The following AKNA variants were observed in gnomAD, a reference collection of about 807,000 sequenced individuals.
The protein encoded by AKNA is microtubule organization protein AKNA.
Under a neutral mutation model 138.8 loss-of-function variants are expected in AKNA, and 67 were observed. The observed-to-expected ratio is 0.48, with a 90% CI of 0.40 to 0.59. The LOEUF (loss-of-function observed/expected upper bound fraction) is 0.59. Among genes scored for constraint, AKNA ranks in the 20% least tolerant of loss-of-function variants. The probability of loss-of-function intolerance (pLI) is 0.00; values close to 1 mark genes in which losing one functional copy is unlikely to be tolerated. For synonymous variants in AKNA, 737 were observed against 754.4 expected (o/e 0.98, Z 0.38); for missense variants, 1,813 against 1,880.4 (o/e 0.96, Z 0.66).
intron 7 of AKNA, 53 bp from the exon 8 acceptor site, chr9:114,362,586 G>C (rs1014846680): frequency 3.6e-5 from 57 of 1,579,428 alleles, no homozygotes; most frequent in Non-Finnish European, 4.0e-5. Flanking sequence ...CGCGGGGCCT[G>C]TCCCTGAAGA....
chr9:114,356,196 C>A, intron 13 of AKNA, 60 bp from the exon 14 acceptor site: 2 of 1,517,826 alleles, frequency 1.3e-6, no homozygotes, highest in South Asian at 2.5e-5. Flanking sequence ...ACTCAGGCGG[C>A]AGCATCTGAG....
At chr9:114,392,650 C>T (rs371630611), upstream of AKNA, among the ~76,000 whole-genome samples, 8 of 152,218 alleles carry the variant, frequency 5.3e-5, no homozygotes, top group Admixed American at 2.0e-4. Context: ...TTCCGTGAAA[C>T]GCCCTACAAC....
intron 18 of AKNA, 72 bp from the exon 19 acceptor site, chr9:114,343,875 A>G: frequency 7.5e-7 from 1 of 1,324,902 alleles, no homozygotes; most frequent in Non-Finnish European, 1.1e-6. Flanking sequence ...ATTCTGGAAT[A>G]ATGATCTCCT....
At position 114,361,137 on chromosome 9, in the gene AKNA, G is replaced by A. The variant is rs190336953; in HGVS notation, c.2124+567C>T. On this transcript the variant is annotated intron_variant, in intron 9 of 21. Transcript: ENST00000374088. ...AAAATCCAGCAGAGTTTAAGGCCATGCTCTCTACGTGACCCACAAGCCCCT... is the reference window on the plus strand; with the variant it reads ...AAAATCCAGCAGAGTTTAAGGCCATACTCTCTACGTGACCCACAAGCCCCT... 3.2e-4 allele frequency among the ~76,000 whole-genome samples: 49 copies of A among 152,204 alleles called. 1 individual carries two copies. Among genetic ancestry groups the A allele is most frequent in the Admixed American group, 3.0e-3 (46 of 15,290 alleles).
chr9:114,335,560 C>T lies in AKNA; in HGVS notation c.*1494G>A, dbSNP rs1221638428. On this transcript the variant is annotated 3_prime_UTR_variant, in exon 22 of 22. Coordinates refer to ENST00000374088, the MANE Select transcript of AKNA (RefSeq NM_001317950.2). The stretch of plus-strand genomic sequence containing the variant: ...GCTGAGGTGGGTGGATCACCTGAGG[C>T]TGGGAGTGCAAGATCAGCCCGACCA... The T allele has an allele frequency of 6.6e-6, 1 of 152,136 alleles. No individual in the cohort carries two copies. The highest frequency in any genetic ancestry group is 1.5e-5 in the Non-Finnish European group (1 of 68,042). The allele number at this position is 152,136 out of a possible 1,614,324, so 9.4% of individuals were successfully genotyped here.
chr9:114,388,139 C>G (rs1346050464), upstream of AKNA: 1 of 257,152 alleles, frequency 3.9e-6, no homozygotes, highest in Non-Finnish European at 8.3e-6. Flanking sequence ...AGAGCAAGAG[C>G]TGGAGGAGCT....
At chr9:114,330,780 G>C, downstream of AKNA, 2 of 1,613,404 alleles carry the variant, frequency 1.2e-6, no homozygotes, top group South Asian at 1.1e-5. Context: ...TCCGCCTTCT[G>C]GTTGACTTTA....
intron 5 of AKNA, 87 bp downstream of exon 5, chr9:114,368,352 C>A: frequency 2.3e-6 from 3 of 1,289,738 alleles, no homozygotes. Flanking sequence ...GAGGCCAGCG[C>A]CATCCCCAGG....
rs757706175 is a variant in AKNA, at chr9:114,346,716, C to G, written c.3467G>C (p.Arg1156Pro). 1.2e-6 allele frequency: 2 copies of G among 1,612,978 alleles called. No individual in the cohort carries two copies. The highest frequency in any genetic ancestry group is 1.7e-6 in the Non-Finnish European group (2 of 1,179,508). The change falls in exon 17 of 22, where the codon CGA becomes CCA. Residue 1156 changes from arginine (R) to proline (P), a missense_variant. By Grantham distance (103) the Arg-to-Pro change is moderately radical (BLOSUM62 -2). Coordinates refer to ENST00000374088, the MANE Select transcript of AKNA (RefSeq NM_001317950.2). ...EEQIVPPGRQRARSSSVPREV... is the reference protein window; with the variant it reads ...EEQIVPPGRQPARSSSVPREV... ...CCGAGGCACTGAGGAAGACCTGGCT[C>G]GCTGCCTTCCTGGAGGGACAATCTG... is the stretch of plus-strand genomic sequence containing the variant.
chr9:114,348,470 AG>A (rs1331104132), intron 15 of AKNA, among the ~76,000 whole-genome samples: 1 of 152,216 alleles, frequency 6.6e-6, no homozygotes, highest in Non-Finnish European at 1.5e-5. Context: ...CTGGGCTCTG[AG>A]ACGGAGCAGA....
chr9:114,387,036 A>G (rs1378988994), intron 1 of AKNA, among the ~76,000 whole-genome samples: 1 of 152,108 alleles, frequency 6.6e-6, no homozygotes, highest in Non-Finnish European at 1.5e-5. Flanking sequence ...ACAAGACCTC[A>G]CAGCCAGGAA....
At chr9:114,370,670 C>G (rs1832709452) in intron 4 of AKNA, among the ~76,000 whole-genome samples, 2 of 152,180 alleles carry the variant, frequency 1.3e-5, no homozygotes, top group Admixed American at 1.3e-4. Context: ...AAAGGTGAAT[C>G]AGGATTCTGT....
At chr9:114,350,713 G>A (rs778087174) in intron 15 of AKNA, 146 bp downstream of exon 15, 4 of 847,154 alleles carry the variant, frequency 4.7e-6, no homozygotes, top group Non-Finnish European at 5.3e-6. Flanking sequence ...CTGGGAACTG[G>A]GAGGCAGGAC....
chr9:114,376,115 G>C, intron 3 of AKNA: 1 of 233,576 alleles, frequency 4.3e-6, no homozygotes, highest in Non-Finnish European at 8.6e-6. Flanking sequence ...ACCCCAGCCA[G>C]CCTCCACCCC....
intron 4 of AKNA, among the ~76,000 whole-genome samples, chr9:114,373,378 G>A (rs1832938273): frequency 6.6e-6 from 1 of 152,186 alleles, no homozygotes; most frequent in African/African-American, 2.4e-5. Flanking sequence ...TGAGGTGGTG[G>A]GGAGGGAGAA....
chr9:114,355,241 T>C (rs984277180), intron 14 of AKNA, among the ~76,000 whole-genome samples: 13 of 150,406 alleles, frequency 8.6e-5, no homozygotes, highest in Non-Finnish European at 1.3e-4. Flanking sequence ...AATGGCACGA[T>C]TGCAGCTCAC....
chr9:114,367,149 AT>A (rs1299679958), intron 6 of AKNA, among the ~76,000 whole-genome samples: 2 of 152,192 alleles, frequency 1.3e-5, no homozygotes, highest in East Asian at 3.9e-4. Context: ...GAATTGATTT[AT>A]TTAATAAAAT....
At chr9:114,385,750 C>T (rs149800921) in intron 1 of AKNA, among the ~76,000 whole-genome samples, 3 of 152,170 alleles carry the variant, frequency 2.0e-5, no homozygotes, top group South Asian at 2.1e-4. Flanking sequence ...GCCTTCCATG[C>T]GAGCCATGGC....
intron 7 of AKNA, among the ~76,000 whole-genome samples, chr9:114,363,871 A>G (rs1294255650): frequency 1.3e-5 from 2 of 151,824 alleles, no homozygotes; most frequent in South Asian, 2.1e-4. Flanking sequence ...TGACGCCTAC[A>G]CTCCCAGACT....
Sources: allele counts gnomAD v4.1 joint callset (sites outside exome capture counted in the v4.1 genomes callset), GRCh38; gene constraint gnomAD v4.1.1; transcripts MANE v1.5; gene names NCBI Gene and HGNC (gene_info 2026-07-23, HGNC 2026-07-21).